Variants in MACROD2 observed in about 807,000 individuals in gnomAD.
The protein encoded by MACROD2 is mono-ADP ribosylhydrolase 2, also known as ADP-ribose glycohydrolase MACROD2.
In MACROD2, 36 loss-of-function variants were observed where a neutral mutation model predicts 70.4. That is an observed-to-expected ratio of 0.51 (90% CI 0.39 to 0.68). The LOEUF is 0.68. Among genes scored for constraint, MACROD2 ranks in the 30% least tolerant of loss-of-function variants. MACROD2 has a pLI of 0.00. For missense variants in MACROD2, 496 were observed against 538.4 expected (o/e 0.92, Z 0.78); for synonymous variants, 172 against 178.8 (o/e 0.96, Z 0.30).
intron 5 of MACROD2, among the ~76,000 whole-genome samples, chr20:14,814,120 C>G (rs1248133868): frequency 6.6e-6 from 1 of 152,116 alleles, no homozygotes; most frequent in Non-Finnish European, 1.5e-5. Context: ...GCAGCCACAG[C>G]AACTTTGTAG....
chr20:14,563,248 T>C (rs1979554557), intron 4 of MACROD2, among the ~76,000 whole-genome samples: 1 of 151,832 alleles, frequency 6.6e-6, no homozygotes, highest in South Asian at 2.1e-4. Flanking sequence ...GCAAAGTTCT[T>C]GCACAAGTTT....
At chr20:14,068,950 T>C (rs2053804691) in intron 2 of MACROD2, among the ~76,000 whole-genome samples, 1 of 152,124 alleles carries the variant, frequency 6.6e-6, no homozygotes, top group Non-Finnish European at 1.5e-5. Flanking sequence ...TTTTTTTGTT[T>C]TGTTTTGTTT....
chr20:14,486,997 C>G (rs2084743245), intron 3 of MACROD2, among the ~76,000 whole-genome samples: 1 of 152,228 alleles, frequency 6.6e-6, no homozygotes, highest in African/African-American at 2.4e-5. Context: ...TCACCCTCTT[C>G]TGTACATAAG....
At chr20:15,683,045 T>C (rs545169027) in intron 8 of MACROD2, among the ~76,000 whole-genome samples, 22 of 152,328 alleles carry the variant, frequency 1.4e-4, no homozygotes, top group Middle Eastern at 3.4e-3. Context: ...AATCAGAGAT[T>C]GATGAACAAT....
chr20:14,231,032 AAAAT>A (rs1379959938), intron 3 of MACROD2, among the ~76,000 whole-genome samples: 5 of 151,798 alleles, frequency 3.3e-5, no homozygotes, highest in African/African-American at 1.2e-4. Context: ...TAGTAATCTT[AAAAT>A]ATTCAGTAGA....
intron 8 of MACROD2, among the ~76,000 whole-genome samples, chr20:15,665,467 G>T (rs1437078537): frequency 6.6e-6 from 1 of 152,132 alleles, no homozygotes; most frequent in Non-Finnish European, 1.5e-5. Flanking sequence ...CCACAGGACT[G>T]GCCATGTCAA....
intron 5 of MACROD2, among the ~76,000 whole-genome samples, chr20:15,080,582 C>T (rs946630283): frequency 6.6e-5 from 10 of 152,184 alleles, no homozygotes; most frequent in South Asian, 4.2e-4. Flanking sequence ...TCTGTATCTT[C>T]GCTTAATGTC....
At chr20:14,210,365 G>A (rs777037811) in intron 3 of MACROD2, among the ~76,000 whole-genome samples, 14 of 152,118 alleles carry the variant, frequency 9.2e-5, no homozygotes, top group Non-Finnish European at 1.9e-4. Flanking sequence ...AACCTATGTC[G>A]GCACCCAAGG....
Position 14,986,086 on chromosome 20 carries a change from A to G in MACROD2, c.419-243854A>G, listed in dbSNP as rs201170501. 2.3e-4 allele frequency among the ~76,000 whole-genome samples: 35 copies of G among 152,350 alleles called. No homozygotes were observed. The East Asian group carries it at 5.6e-3, about 24-fold the overall frequency. On this transcript the variant is annotated intron_variant, in intron 5 of 17. Transcript: ENST00000684519. Reference sequence around the variant, plus strand: ...AAGTTGTTCCTCAGTGGACACAGACATCATAGTTGGCATAGAAACAGCTGT... The same window carrying G: ...AAGTTGTTCCTCAGTGGACACAGACGTCATAGTTGGCATAGAAACAGCTGT...
intron 5 of MACROD2, among the ~76,000 whole-genome samples, chr20:14,862,249 T>A (rs1321606084): frequency 3.8e-4 from 8 of 20,946 alleles, no homozygotes; most frequent in African/African-American, 5.4e-4. Context: ...ATTTATATAT[T>A]AATATATATA....
At chr20:15,981,410 G>GTTT (rs2066397957) in intron 13 of MACROD2, among the ~76,000 whole-genome samples, 3 of 151,856 alleles carry the variant, frequency 2.0e-5, no homozygotes, top group African/African-American at 4.8e-5. Context: ...TGTTGTTGTT[G>GTTT]TTTAGCTATG....
intron 3 of MACROD2, among the ~76,000 whole-genome samples, chr20:14,165,505 T>C (rs569385532): frequency 1.3e-5 from 2 of 152,230 alleles, no homozygotes; most frequent in Non-Finnish European, 2.9e-5. Context: ...AACTACTTGC[T>C]ATTTGGGTTC....
chr20:14,926,632 G>A (rs559181897), intron 5 of MACROD2, among the ~76,000 whole-genome samples: 10 of 152,214 alleles, frequency 6.6e-5, no homozygotes, highest in African/African-American at 2.4e-4. Context: ...TCATGCCAGA[G>A]ACATTAGCTG....
At chr20:15,866,120 T>C (rs1317323687) in intron 9 of MACROD2, among the ~76,000 whole-genome samples, 1 of 152,122 alleles carries the variant, frequency 6.6e-6, no homozygotes, top group Non-Finnish European at 1.5e-5. Flanking sequence ...GGCCTAAGAA[T>C]GGAGGCTGGC....
chr20:15,905,424 A>T (rs978325411), intron 10 of MACROD2, among the ~76,000 whole-genome samples: 1 of 152,240 alleles, frequency 6.6e-6, no homozygotes, highest in African/African-American at 2.4e-5. Context: ...TGAGTAATTT[A>T]GACTATGTGT....
chr20:14,271,856 T>A (rs1364024568), intron 3 of MACROD2, among the ~76,000 whole-genome samples: 3 of 152,036 alleles, frequency 2.0e-5, no homozygotes, highest in Admixed American at 6.6e-5. Flanking sequence ...CACAGAAGCC[T>A]CAGGAGCTGA....
chr20:15,833,753 A>G (rs1366766588), intron 8 of MACROD2, among the ~76,000 whole-genome samples: 1 of 152,210 alleles, frequency 6.6e-6, no homozygotes, highest in Admixed American at 6.5e-5. Context: ...GAGATCCCCA[A>G]TACCTAAGGT....
intron 8 of MACROD2, among the ~76,000 whole-genome samples, chr20:15,541,152 G>A (rs1399102607): frequency 6.6e-6 from 1 of 152,124 alleles, no homozygotes; most frequent in African/African-American, 2.4e-5. Context: ...TGCATCATTG[G>A]TTATGCTGAG....
intron 3 of MACROD2, among the ~76,000 whole-genome samples, chr20:14,347,120 G>A (rs2083072050): frequency 6.6e-6 from 1 of 152,200 alleles, no homozygotes; most frequent in South Asian, 2.1e-4. Flanking sequence ...GCAGCTAGAG[G>A]AAAAGTTTTT....
Sources: allele counts gnomAD v4.1 joint callset (sites outside exome capture counted in the v4.1 genomes callset), GRCh38; gene constraint gnomAD v4.1.1; transcripts MANE v1.5; gene names NCBI Gene and HGNC (gene_info 2026-07-23, HGNC 2026-07-21).